The following PCDHA13 variants were observed in gnomAD, a reference collection of about 807,000 sequenced individuals.
PCDHA13 encodes protocadherin alpha 13.
A neutral mutation model predicts 64.8 loss-of-function variants in PCDHA13; 54 were observed. The observed-to-expected ratio is 0.83, with a 90% CI of 0.67 to 1.04. The LOEUF (loss-of-function observed/expected upper bound fraction) is 1.04, where lower values mean the gene tolerates loss of function less well. Among genes scored for constraint, PCDHA13 ranks in the 50% least tolerant of loss-of-function variants. PCDHA13 has a pLI of 0.00. For synonymous variants in PCDHA13, 587 were observed against 564.4 expected (o/e 1.04, Z -0.57); for missense variants, 1,248 against 1,254.3 (o/e 0.99, Z 0.08).
chr5:140,906,252 C>T (rs1376694912), intron 1 of PCDHA13, among the ~76,000 whole-genome samples: 1 of 152,180 alleles, frequency 6.6e-6, no homozygotes, highest in Admixed American at 6.5e-5. Flanking sequence ...AACCCATACA[C>T]ACCTCCTGAA....
At chr5:140,969,529 T>G in intron 1 of PCDHA13, 7 of 1,377,800 alleles carry the variant, frequency 5.1e-6, no homozygotes, top group Non-Finnish European at 6.8e-6. Flanking sequence ...GTTTTATTTT[T>G]CATTTTCAGA....
chr5:140,882,143 C>T lies in PCDHA13; in HGVS notation c.-126C>T. Reference sequence around the variant, plus strand: ...TTCTTTCTTCCTGCAGAAAATATAGCAGAAAGCGGAATACCTCTTGCGAAT... The same window carrying T: ...TTCTTTCTTCCTGCAGAAAATATAGTAGAAAGCGGAATACCTCTTGCGAAT... On this transcript the variant is annotated 5_prime_UTR_variant, in exon 1 of 4. Transcript: ENST00000289272. 6.7e-7 allele frequency: 1 copy of T among 1,494,048 alleles called. No individual in the cohort carries two copies. Among genetic ancestry groups the T allele is most frequent in the Non-Finnish European group, 8.9e-7 (1 of 1,117,868 alleles). The allele number at this position is 1,494,048 out of a possible 1,614,324, so 92.5% of individuals were successfully genotyped here.
chr5:140,908,268 A>G (rs1401852970), intron 1 of PCDHA13, among the ~76,000 whole-genome samples: 4 of 152,284 alleles, frequency 2.6e-5, no homozygotes, highest in African/African-American at 9.6e-5. Context: ...GGAACTCCCC[A>G]TGAGGCCATT....
intron 1 of PCDHA13, among the ~76,000 whole-genome samples, chr5:140,885,916 T>C (rs2060771663): frequency 1.3e-5 from 2 of 152,202 alleles, no homozygotes; most frequent in Admixed American, 1.3e-4. Flanking sequence ...CTTATAGATA[T>C]TAACTGTTTA....
chr5:140,963,395 C>T (rs544819387), intron 1 of PCDHA13, among the ~76,000 whole-genome samples: 4 of 152,322 alleles, frequency 2.6e-5, no homozygotes, highest in African/African-American at 7.2e-5. Flanking sequence ...AAGCTCCCTA[C>T]TGGATGCTGT....
chr5:140,946,298 G>A (rs1670826449), intron 1 of PCDHA13, among the ~76,000 whole-genome samples: 1 of 151,840 alleles, frequency 6.6e-6, no homozygotes, highest in Admixed American at 6.6e-5. Flanking sequence ...CCTCACACCT[G>A]GTAGAATGGC....
intron 1 of PCDHA13, among the ~76,000 whole-genome samples, chr5:140,921,041 G>A (rs902181810): frequency 1.3e-5 from 2 of 151,820 alleles, no homozygotes; most frequent in Non-Finnish European, 2.9e-5. Flanking sequence ...GTGCAGTGGG[G>A]CAATCATAGC....
intron 1 of PCDHA13, among the ~76,000 whole-genome samples, chr5:140,975,707 A>C (rs1445809800): frequency 6.6e-6 from 1 of 152,204 alleles, no homozygotes; most frequent in African/African-American, 2.4e-5. Context: ...ATTTTACTTT[A>C]AATCTTAGAA....
rs369541654 is a variant in PCDHA13 at position 141,010,673 on chromosome 5, A to G, written c.*736A>G. On this transcript the variant is annotated 3_prime_UTR_variant, in exon 4 of 4. Coordinates refer to ENST00000289272, the MANE Select transcript of PCDHA13 (RefSeq NM_018904.3). ...TTTTAACAGAGAACCACCCTGGGAAACAGAAGCAGATCTGATGTGTTTCCT... is the reference window on the plus strand; with the variant it reads ...TTTTAACAGAGAACCACCCTGGGAAGCAGAAGCAGATCTGATGTGTTTCCT... 8.1e-4 allele frequency: 133 copies of G among 163,824 alleles called. No individual in the cohort carries two copies. Among genetic ancestry groups the G allele is most frequent in the Non-Finnish European group, 5.5e-4 (41 of 74,388 alleles). 10.1% of individuals were successfully genotyped at this position (163,824 alleles called of 1,614,324 possible). A position where few individuals can be genotyped will look rare whatever the true frequency, so the allele number is the denominator to read the frequency against.
At chr5:140,941,240 T>TTTC (rs2092939181) in intron 1 of PCDHA13, among the ~76,000 whole-genome samples, 2 of 141,590 alleles carry the variant, frequency 1.4e-5, no homozygotes, top group Non-Finnish European at 3.0e-5. Flanking sequence ...TCTTTCTTTC[T>TTTC]TTCTTTCTTT....
intron 1 of PCDHA13, among the ~76,000 whole-genome samples, chr5:140,888,414 T>C (rs530730994): frequency 2.6e-5 from 4 of 152,170 alleles, no homozygotes; most frequent in Non-Finnish European, 5.9e-5. Context: ...CTGCCAAACA[T>C]CCTACCGTGC....
At chr5:140,932,312 T>C (rs2088188856) in intron 1 of PCDHA13, among the ~76,000 whole-genome samples, 1 of 151,922 alleles carries the variant, frequency 6.6e-6, no homozygotes, top group Admixed American at 6.6e-5. Context: ...GGTATAAATA[T>C]ATTAATGTAG....
chr5:140,978,704 G>A (rs1250477330), intron 1 of PCDHA13, among the ~76,000 whole-genome samples: 1 of 152,242 alleles, frequency 6.6e-6, no homozygotes, highest in African/African-American at 2.4e-5. Flanking sequence ...GCCAAAGGTG[G>A]CCTTTACAAG....
intron 1 of PCDHA13, among the ~76,000 whole-genome samples, chr5:140,976,876 G>A (rs1166300025): frequency 6.6e-6 from 1 of 152,160 alleles, no homozygotes; most frequent in Non-Finnish European, 1.5e-5. Flanking sequence ...GACAAAGAAA[G>A]AATTAGGATA....
Position 140,883,283 on chromosome 5 carries a change from G to A in PCDHA13, c.1015G>A (p.Glu339Lys), listed in dbSNP as rs782514861. Residue 339 changes from glutamate to lysine, a missense_variant, in exon 1 of 4, where the codon GAA becomes AAA. Coordinates refer to ENST00000289272, the MANE Select transcript of PCDHA13 (RefSeq NM_018904.3). ...GGCGGGTCATTGTACCCTTTTGGTG[G>A]AAGTACTAGATGTAAATGATAACGC... is the stretch of plus-strand genomic sequence containing the variant. ...PMAGHCTLLV[E>K]VLDVNDNAPE... The A allele has an allele frequency of 1.2e-6, 2 of 1,614,034 alleles. No homozygotes were observed. Among genetic ancestry groups the A allele is most frequent in the Admixed American group, 3.3e-5 (2 of 59,990 alleles).
At chr5:140,906,083 A>G (rs1554192390) in intron 1 of PCDHA13, among the ~76,000 whole-genome samples, 1 of 152,146 alleles carries the variant, frequency 6.6e-6, no homozygotes, top group Non-Finnish European at 1.5e-5. Context: ...ACCCACCCAG[A>G]CTGAGAGTAA....
chr5:140,917,338 G>GGGGGGGT (rs2078134893), intron 1 of PCDHA13, among the ~76,000 whole-genome samples: 1 of 137,894 alleles, frequency 7.3e-6, no homozygotes, highest in Non-Finnish European at 1.6e-5. Context: ...GGAGGGGGGG[G>GGGGGGGT]ATGGTGTAGG....
intron 1 of PCDHA13, among the ~76,000 whole-genome samples, chr5:140,947,229 G>GA (rs201242412): frequency 9.4e-5 from 14 of 148,904 alleles, no homozygotes; most frequent in South Asian, 2.1e-4. Context: ...TTTATGACAG[G>GA]AAAAAAAAAT....
intron 1 of PCDHA13, among the ~76,000 whole-genome samples, chr5:140,886,288 A>T (rs1227734409): frequency 6.6e-6 from 1 of 151,870 alleles, no homozygotes; most frequent in Non-Finnish European, 1.5e-5. Flanking sequence ...AATTATTTTT[A>T]TATTTATTTA....
Sources: allele counts gnomAD v4.1 joint callset (sites outside exome capture counted in the v4.1 genomes callset), GRCh38; gene constraint gnomAD v4.1.1; transcripts MANE v1.5; gene names NCBI Gene and HGNC (gene_info 2026-07-23, HGNC 2026-07-21).